FAM107B: variants seen among roughly 807,000 people sequenced by gnomAD.
The protein encoded by FAM107B is protein FAM107B.
FAM107B carries 21 observed loss-of-function variants against 31.5 expected under a neutral mutation model. The observed-to-expected ratio is 0.67, with a 90% confidence interval of 0.47 to 0.96. The LOEUF (loss-of-function observed/expected upper bound fraction) is 0.96. Ranked by LOEUF, FAM107B falls within the 40% of genes least tolerant of loss-of-function variation. The probability of loss-of-function intolerance (pLI) is 0.00; values close to 1 mark genes in which losing one functional copy is unlikely to be tolerated. For synonymous variants in FAM107B, 157 were observed against 141.5 expected, an observed-to-expected ratio of 1.11 and a Z score of -0.78; for missense variants, 452 against 377.1, an observed-to-expected ratio of 1.20 and a Z score of -1.64.
intron 1 of FAM107B, among the ~76,000 whole-genome samples, chr10:14,729,631 G>A (rs1856117851): frequency 2.0e-5 from 3 of 152,102 alleles, no homozygotes; most frequent in South Asian, 2.1e-4. Context: ...AATCACCTGA[G>A]GAGCTTAAAA....
chr10:14,606,268 C>T (rs1404481044), intron 2 of FAM107B, among the ~76,000 whole-genome samples: 1 of 152,088 alleles, frequency 6.6e-6, no homozygotes, highest in Non-Finnish European at 1.5e-5. Flanking sequence ...TCACCAATCC[C>T]CAAGAGCTCC....
chr10:14,735,982 A>G (rs1856290828), intron 1 of FAM107B, among the ~76,000 whole-genome samples: 3 of 152,198 alleles, frequency 2.0e-5, no homozygotes, highest in Admixed American at 1.3e-4. Context: ...GGGAATGATT[A>G]TAGGTTAAAT....
chr10:14,734,492 T>TTTG (rs1349616167), intron 1 of FAM107B, among the ~76,000 whole-genome samples: 1 of 151,842 alleles, frequency 6.6e-6, no homozygotes, highest in African/African-American at 2.4e-5. Flanking sequence ...TGTGAGGTTT[T>TTTG]TTTTTTTTTT....
intron 1 of FAM107B, among the ~76,000 whole-genome samples, chr10:14,716,437 C>G (rs975864581): frequency 7.9e-5 from 12 of 152,246 alleles, no homozygotes; most frequent in African/African-American, 2.9e-4. Context: ...TGAGTGTCCT[C>G]ATGACATGGC....
At chr10:14,605,004 C>T (rs535018019) in intron 2 of FAM107B, among the ~76,000 whole-genome samples, 1 of 152,278 alleles carries the variant, frequency 6.6e-6, no homozygotes, top group South Asian at 2.1e-4. Flanking sequence ...TGTCCGGGCT[C>T]CGTCTCCCCG....
chr10:14,772,905 AG>A (rs1564299201), intron 1 of FAM107B, among the ~76,000 whole-genome samples: 1 of 152,208 alleles, frequency 6.6e-6, no homozygotes, highest in African/African-American at 2.4e-5. Flanking sequence ...CAGTAATATA[AG>A]GTGGGTCTGC....
chr10:14,552,279 G>A lies in FAM107B; in HGVS notation c.470-21764C>T, dbSNP rs983452996. Among the ~76,000 whole-genome samples the A allele has an allele frequency of 3.3e-5, 5 of 152,040 alleles. No homozygotes were observed. In the East Asian group the frequency reaches 7.7e-4, roughly 23 times the overall value. ...GACCAAAGTCCTGAACCCTAAAATG[G>A]GTCACGGTGAATCCACTCAATGGTG... is the stretch of plus-strand genomic sequence containing the variant. On this transcript the variant is annotated intron_variant, in intron 2 of 4. Transcript: ENST00000181796.
intron 2 of FAM107B, among the ~76,000 whole-genome samples, chr10:14,621,291 T>A (rs960542299): frequency 2.0e-5 from 3 of 152,232 alleles, no homozygotes; most frequent in African/African-American, 7.2e-5. Flanking sequence ...CTGTTTATAT[T>A]ATGTAGACTC....
At chr10:14,683,737 T>C (rs1254600502) in intron 1 of FAM107B, among the ~76,000 whole-genome samples, 1 of 150,936 alleles carries the variant, frequency 6.6e-6, no homozygotes, top group Non-Finnish European at 1.5e-5. Flanking sequence ...AATTTTCCTC[T>C]ACAAGTCCTC....
At chr10:14,531,250 T>C (rs955336930) in intron 2 of FAM107B, among the ~76,000 whole-genome samples, 4 of 152,216 alleles carry the variant, frequency 2.6e-5, no homozygotes, top group African/African-American at 9.7e-5. Context: ...CCGAGCAAGG[T>C]GGCTCATGCC....
At chr10:14,540,414 C>A (rs186166626) in intron 2 of FAM107B, among the ~76,000 whole-genome samples, 53 of 152,352 alleles carry the variant, frequency 3.5e-4, no homozygotes, top group Middle Eastern at 6.8e-3. Context: ...ACAGTCCACA[C>A]CCGGCAGGGT....
chr10:14,715,910 G>A (rs1353806326), intron 1 of FAM107B, among the ~76,000 whole-genome samples: 1 of 152,180 alleles, frequency 6.6e-6, no homozygotes, highest in African/African-American at 2.4e-5. Context: ...TCTCCAGCCT[G>A]CAGGTACAGA....
chr10:14,586,608 C>T (rs1042680934), intron 2 of FAM107B, among the ~76,000 whole-genome samples: 2 of 152,154 alleles, frequency 1.3e-5, no homozygotes, highest in Admixed American at 6.6e-5. Flanking sequence ...AAAAAGGTGG[C>T]CTTCTACAAA....
chr10:14,618,639 C>A (rs1221478268), intron 2 of FAM107B, among the ~76,000 whole-genome samples: 2 of 151,598 alleles, frequency 1.3e-5, no homozygotes, highest in African/African-American at 2.4e-5. Context: ...CAGTTCAAGA[C>A]CAGCCTGGCC....
intron 2 of FAM107B, among the ~76,000 whole-genome samples, chr10:14,624,027 T>C (rs1853088318): frequency 6.6e-6 from 1 of 152,068 alleles, no homozygotes; most frequent in South Asian, 2.1e-4. Flanking sequence ...GAATGGAGCA[T>C]CACAATATAT....
chr10:14,584,107 C>T (rs910549026), intron 2 of FAM107B, among the ~76,000 whole-genome samples: 4 of 152,184 alleles, frequency 2.6e-5, no homozygotes, highest in African/African-American at 9.7e-5. Flanking sequence ...ATGGAGGGAC[C>T]AAGCAAGACA....
At chr10:14,635,003 C>A (rs974694954) in intron 2 of FAM107B, among the ~76,000 whole-genome samples, 6 of 151,686 alleles carry the variant, frequency 4.0e-5, no homozygotes, top group African/African-American at 1.5e-4. Context: ...GTGGGAGAAT[C>A]GCTTGAACCC....
intron 1 of FAM107B, among the ~76,000 whole-genome samples, chr10:14,737,248 T>C (rs1564280769): frequency 6.6e-6 from 1 of 151,032 alleles, no homozygotes; most frequent in Non-Finnish European, 1.5e-5. Flanking sequence ...TGGGATGATA[T>C]GGGGAGAAAA....
intron 2 of FAM107B, chr10:14,604,296 G>A (rs1458951388): frequency 1.8e-5 from 18 of 977,498 alleles, no homozygotes; most frequent in Non-Finnish European, 2.1e-5. Flanking sequence ...GGCGCCCGCG[G>A]CGGCGCCCAG....
Sources: gnomAD v4.1 joint callset for allele counts (sites outside exome capture counted in the v4.1 genomes callset) on GRCh38, gnomAD v4.1.1 for gene constraint, MANE v1.5 for transcripts, NCBI Gene and HGNC (gene_info 2026-07-23, HGNC 2026-07-21) for gene names.